The following CSMD1 variants were observed in gnomAD, a reference collection of about 807,000 sequenced individuals.
CSMD1 encodes CUB and sushi domain-containing protein 1.
Under a neutral mutation model 417.5 loss-of-function variants are expected in CSMD1, and 213 were observed. The observed-to-expected ratio is 0.51, with a 90% confidence interval of 0.46 to 0.57. The LOEUF is 0.57. Among genes scored for constraint, CSMD1 ranks in the 20% least tolerant of loss-of-function variants. The probability of loss-of-function intolerance (pLI) is 0.00; values close to 1 mark genes in which losing one functional copy is unlikely to be tolerated. For missense variants in CSMD1, 6,923 were observed against 4,529.7 expected, an observed-to-expected ratio of 1.53 and a Z score of -15.17; for synonymous variants, 2,862 against 1,736.8, an observed-to-expected ratio of 1.65 and a Z score of -16.11.
rs143789607 is a variant in CSMD1 at position 4,068,884 on chromosome 8, T to C, written c.416-36785A>G. On this transcript the variant is annotated intron_variant, in intron 3 of 69. Coordinates refer to ENST00000635120, the MANE Select transcript of CSMD1 (RefSeq NM_033225.6). ...ATCTAGTTAGGCACTGCATTATGTA[T>C]GTAAAAATATGGTTATAATAACCAA... 3.8e-3 allele frequency among the ~76,000 whole-genome samples: 572 copies of C among 152,336 alleles called. 2 individuals are homozygous for C. The highest frequency in any genetic ancestry group is 0.013 in the African/African-American group (550 of 41,586).
At chr8:3,373,456 A>G (rs1563322936) in intron 18 of CSMD1, 1 of 152,230 alleles carries the variant, frequency 6.6e-6, no homozygotes, top group Admixed American at 6.5e-5. Flanking sequence ...ACTTTACATA[A>G]AAGTAATTCT....
At chr8:4,350,224 C>G (rs1472288041) in intron 3 of CSMD1, among the ~76,000 whole-genome samples, 1 of 152,128 alleles carries the variant, frequency 6.6e-6, no homozygotes, top group Non-Finnish European at 1.5e-5. Flanking sequence ...AGCGTCCAGG[C>G]ACCTGCCTGA....
At chr8:4,211,795 T>A (rs1456047339) in intron 3 of CSMD1, among the ~76,000 whole-genome samples, 5 of 152,208 alleles carry the variant, frequency 3.3e-5, no homozygotes, top group Non-Finnish European at 7.3e-5. Context: ...TGTTTTTACA[T>A]ACTTCTGGAC....
At chr8:3,389,364 G>A (rs531755651) in intron 17 of CSMD1, among the ~76,000 whole-genome samples, 22 of 152,112 alleles carry the variant, frequency 1.4e-4, no homozygotes, top group African/African-American at 5.1e-4. Flanking sequence ...GAGAACATGC[G>A]GCGTTTGGTT....
intron 8 of CSMD1, among the ~76,000 whole-genome samples, chr8:3,614,828 A>C (rs1802059355): frequency 6.6e-6 from 1 of 152,196 alleles, no homozygotes; most frequent in African/African-American, 2.4e-5. Context: ...GAGACGCTTA[A>C]GACAGGTGAG....
intron 1 of CSMD1, among the ~76,000 whole-genome samples, chr8:4,938,583 C>T (rs941963328): frequency 2.6e-5 from 4 of 152,114 alleles, no homozygotes; most frequent in African/African-American, 9.7e-5. Context: ...TCAGTCTTAT[C>T]GGGAAAACGC....
intron 3 of CSMD1, among the ~76,000 whole-genome samples, chr8:4,363,840 C>T (rs902350896): frequency 6.6e-6 from 1 of 151,964 alleles, no homozygotes; most frequent in Non-Finnish European, 1.5e-5. Context: ...TTTGTGGGAT[C>T]TGAAAATCAA....
intron 8 of CSMD1, among the ~76,000 whole-genome samples, chr8:3,587,914 A>G: frequency 6.6e-6 from 1 of 152,098 alleles, no homozygotes; most frequent in Non-Finnish European, 1.5e-5. Flanking sequence ...AGAACATAAT[A>G]TGTACTAATT....
intron 10 of CSMD1, among the ~76,000 whole-genome samples, chr8:3,504,886 A>T (rs1796758082): frequency 6.6e-6 from 1 of 152,172 alleles, no homozygotes; most frequent in Non-Finnish European, 1.5e-5. Flanking sequence ...TGGCAAGGAA[A>T]ATTTCTGAAG....
intron 25 of CSMD1, among the ~76,000 whole-genome samples, chr8:3,300,106 A>G (rs1402956093): frequency 6.6e-6 from 1 of 152,244 alleles, no homozygotes; most frequent in African/African-American, 2.4e-5. Flanking sequence ...AGGCACATTC[A>G]GGCAATGGAA....
At chr8:4,132,227 A>G (rs182468727) in intron 3 of CSMD1, among the ~76,000 whole-genome samples, 28 of 141,468 alleles carry the variant, frequency 2.0e-4, no homozygotes, top group African/African-American at 7.2e-4. Context: ...ACGGGGTAGT[A>G]ATACCCCTTT....
intron 49 of CSMD1, among the ~76,000 whole-genome samples, chr8:3,070,928 G>A (rs1261261893): frequency 6.6e-6 from 1 of 152,204 alleles, no homozygotes. Flanking sequence ...ATTGGCTCAT[G>A]GTTCTGTGGG....
intron 2 of CSMD1, among the ~76,000 whole-genome samples, chr8:4,423,279 T>A (rs892082262): frequency 6.6e-6 from 1 of 152,054 alleles, no homozygotes; most frequent in East Asian, 1.9e-4. Context: ...TACTACTATT[T>A]GAAGTTGGCA....
In CSMD1 at chr8:4,986,141, C is replaced by G. The variant is rs559005469; in HGVS notation, c.85+8191G>C. ...GATGGACTTTGAACATTCATAAGGCCCATCCTTTGAGATAAAAGTGAAGAT... is the reference window on the plus strand; with the variant it reads ...GATGGACTTTGAACATTCATAAGGCGCATCCTTTGAGATAAAAGTGAAGAT... On this transcript the variant is annotated intron_variant, in intron 1 of 69. Transcript: ENST00000635120. Among the ~76,000 whole-genome samples the G allele has an allele frequency of 2.2e-4, 33 of 152,190 alleles. 1 individual carries two copies. In the South Asian group the frequency reaches 6.8e-3, roughly 32 times the overall value.
chr8:4,564,095 T>A lies in CSMD1; in HGVS notation c.302+73247A>T, dbSNP rs191753646. ...ATGTCATAAGCATATTTAAATAAAT[T>A]GATGAGATAATGGTCTTCCAATATT... On this transcript the variant is annotated intron_variant, in intron 2 of 69. Transcript: ENST00000635120. 2.9e-3 allele frequency among the ~76,000 whole-genome samples: 435 copies of A among 152,258 alleles called. 1 individual carries two copies. The highest frequency in any genetic ancestry group is 4.7e-3 in the Non-Finnish European group (320 of 68,020).
intron 11 of CSMD1, among the ~76,000 whole-genome samples, chr8:3,472,593 T>G (rs569891623): frequency 6.6e-6 from 1 of 151,940 alleles, no homozygotes; most frequent in Non-Finnish European, 1.5e-5. Context: ...CTGACATATA[T>G]ATATATAAAA....
At chr8:4,226,677 A>G (rs1466708798) in intron 3 of CSMD1, among the ~76,000 whole-genome samples, 1 of 152,196 alleles carries the variant, frequency 6.6e-6, no homozygotes, top group Non-Finnish European at 1.5e-5. Context: ...TAGTAAATGT[A>G]TTCCTTTAAA....
chr8:4,051,237 T>C (rs1798408788), intron 3 of CSMD1, among the ~76,000 whole-genome samples: 4 of 151,102 alleles, frequency 2.6e-5, no homozygotes, highest in Middle Eastern at 6.8e-3. Flanking sequence ...GTGGGAACAA[T>C]GCCAAGCTTC....
intron 2 of CSMD1, among the ~76,000 whole-genome samples, chr8:4,572,085 G>C (rs1312845937): frequency 6.6e-6 from 1 of 152,190 alleles, no homozygotes; most frequent in Non-Finnish European, 1.5e-5. Flanking sequence ...TCCAGTCTGT[G>C]TCTTTTAATT....
Sources: allele counts gnomAD v4.1 joint callset (sites outside exome capture counted in the v4.1 genomes callset), GRCh38; gene constraint gnomAD v4.1.1; transcripts MANE v1.5; gene names NCBI Gene and HGNC (gene_info 2026-07-23, HGNC 2026-07-21).